CHSY1: variants seen among roughly 807,000 people sequenced by gnomAD.
CHSY1 encodes the protein N-acetylgalactosaminyl-proteoglycan 3-beta-glucuronosyltransferase 1.
CHSY1 carries 13 observed loss-of-function variants against 59.8 expected under a neutral mutation model. The ratio of observed to expected loss-of-function variants is 0.22; its 90% CI spans 0.14 to 0.35. CHSY1 has a LOEUF of 0.35. Ranked by LOEUF, CHSY1 falls within the 10% of genes least tolerant of loss-of-function variation. CHSY1 has a pLI of 1.00. For synonymous variants in CHSY1, 459 were observed against 401.2 expected (o/e 1.14, Z -1.72); for missense variants, 947 against 1,030.6 (o/e 0.92, Z 1.11).
Position 101,177,776 on chromosome 15 carries a change from G to A in CHSY1, c.2021C>T (p.Pro674Leu). 6.2e-7 allele frequency: 1 copy of A among 1,614,164 alleles called. No homozygotes were observed. The highest frequency in any genetic ancestry group is 1.1e-5 in the South Asian group (1 of 91,074). The change falls in exon 3 of 3, where the codon CCC becomes CTC. Residue 674 changes from proline to leucine, a missense_variant. Coordinates refer to ENST00000254190, the MANE Select transcript of CHSY1 (RefSeq NM_014918.5). ...DPKIVYSGKV[P>L]SDNHFAFTQK... ...AGTAAAGGCAAAATGGTTGTCACTG[G>A]GAACTTTCCCACTATAAACAATCTT...
At chr15:101,211,602 T>A (rs2038683599) in intron 2 of CHSY1, among the ~76,000 whole-genome samples, 1 of 152,046 alleles carries the variant, frequency 6.6e-6, no homozygotes, top group African/African-American at 2.4e-5. Flanking sequence ...ACCCACAGAT[T>A]TAAGAAGTTC....
chr15:101,215,488 A>T (rs1318334721), intron 2 of CHSY1, among the ~76,000 whole-genome samples: 1 of 152,202 alleles, frequency 6.6e-6, no homozygotes, highest in Non-Finnish European at 1.5e-5. Flanking sequence ...TAATCCCAGC[A>T]TCTGAGGAGG....
At chr15:101,243,444 G>A (rs1375866388) in intron 1 of CHSY1, among the ~76,000 whole-genome samples, 2 of 152,088 alleles carry the variant, frequency 1.3e-5, no homozygotes, top group African/African-American at 4.8e-5. Flanking sequence ...TGTTCTGGCC[G>A]ACCACTTTGC....
At position 101,251,238 on chromosome 15, in the gene CHSY1, G is replaced by T. The variant is rs373485537; in HGVS notation, c.219C>A (p.Pro73=). ...GDARGAQLWP[P]GSDPDGGPRD... ...GCGGGCCGCCATCTGGGTCCGAGCCGGGCGGCCAGAGCTGCGCCCCGCGCG... is the reference window on the plus strand; with the variant it reads ...GCGGGCCGCCATCTGGGTCCGAGCCTGGCGGCCAGAGCTGCGCCCCGCGCG... The change falls in exon 1 of 3, where the codon CCC becomes CCA. Residue 73 remains proline, a synonymous_variant. Transcript: ENST00000254190. 3.1e-4 allele frequency: 491 copies of T among 1,574,468 alleles called. No homozygotes were observed. Among genetic ancestry groups the T allele is most frequent in the Non-Finnish European group, 4.1e-4 (477 of 1,165,402 alleles).
chr15:101,250,247 C>T (rs985130694), intron 1 of CHSY1, among the ~76,000 whole-genome samples: 48 of 152,214 alleles, frequency 3.2e-4, no homozygotes, highest in African/African-American at 1.1e-3. Flanking sequence ...TTTATCCATA[C>T]AGTAAGTGTC....
In CHSY1 at chr15:101,177,933, T is replaced by C. The variant is rs2038215212; in HGVS notation, c.1864A>G (p.Asn622Asp). The part of the protein sequence containing the change: ...LALEVGSSQF[N>D]NESLLFFCDV... ...CAGAAGAAGAGCAAAGATTCATTGT[T>C]AAACTGGGAGGATCCTACTTCCAGG... The change falls in exon 3 of 3, where the codon AAC (asparagine) becomes GAC (aspartate). Residue 622 changes from asparagine (N) to aspartate (D), a missense_variant. Asn to Asp is a conservative substitution (Grantham distance 23). Transcript: ENST00000254190. The C allele has an allele frequency of 1.2e-6, 2 of 1,614,186 alleles. No homozygotes were observed. Among genetic ancestry groups the C allele is most frequent in the Non-Finnish European group, 1.7e-6 (2 of 1,180,028 alleles).
intron 2 of CHSY1, among the ~76,000 whole-genome samples, chr15:101,216,219 T>A (rs1476030037): frequency 6.6e-6 from 1 of 152,124 alleles, no homozygotes; most frequent in Non-Finnish European, 1.5e-5. Flanking sequence ...ATTAGAATGG[T>A]TAAAATCCAA....
intron 2 of CHSY1, among the ~76,000 whole-genome samples, chr15:101,187,084 A>G (rs1260885014): frequency 6.6e-6 from 1 of 152,240 alleles, no homozygotes; most frequent in Non-Finnish European, 1.5e-5. Flanking sequence ...CTATCCTGTG[A>G]AACTTAATCT....
rs1198937053 is a variant in CHSY1 at position 101,251,469 on chromosome 15, C to G, written c.-13G>C. ...CGCGCGCGGCCATGCCCGCGCCGCT[C>G]CGCCCGCCGGGCCGCCGCCGCAGGC... On this transcript the variant is annotated 5_prime_UTR_variant, in exon 1 of 3. Coordinates refer to ENST00000254190, the MANE Select transcript of CHSY1 (RefSeq NM_014918.5). 1 of 969,102 alleles carries G rather than the reference C, an allele frequency of 1.0e-6. No individual in the cohort carries two copies. The highest frequency in any genetic ancestry group is 1.2e-6 in the Non-Finnish European group (1 of 820,622). 60.0% of individuals were successfully genotyped at this position (969,102 alleles called of 1,614,324 possible). A position where few individuals can be genotyped will look rare whatever the true frequency, so the allele number is the denominator to read the frequency against.
intron 2 of CHSY1, among the ~76,000 whole-genome samples, chr15:101,213,132 A>T (rs1274005652): frequency 6.6e-6 from 1 of 152,180 alleles, no homozygotes; most frequent in Non-Finnish European, 1.5e-5. Flanking sequence ...AGGTGTAGTA[A>T]GGAAAACAGA....
chr15:101,202,897 T>C (rs191160285), intron 2 of CHSY1, among the ~76,000 whole-genome samples: 1 of 152,174 alleles, frequency 6.6e-6, no homozygotes, highest in East Asian at 1.9e-4. Context: ...ATTTGGGGAG[T>C]ATAACATGGT....
intron 2 of CHSY1, among the ~76,000 whole-genome samples, chr15:101,221,598 A>T (rs2038789885): frequency 6.6e-6 from 1 of 152,246 alleles, no homozygotes; most frequent in African/African-American, 2.4e-5. Context: ...AAATTATTAC[A>T]GAATCAATAT....
intron 2 of CHSY1, among the ~76,000 whole-genome samples, chr15:101,232,629 T>C (rs2038902650): frequency 1.3e-5 from 2 of 152,212 alleles, no homozygotes; most frequent in African/African-American, 2.4e-5. Flanking sequence ...GAATGATGCA[T>C]TAGATTGCAC....
At chr15:101,197,979 G>C (rs2038526133) in intron 2 of CHSY1, among the ~76,000 whole-genome samples, 1 of 152,152 alleles carries the variant, frequency 6.6e-6, no homozygotes, top group Non-Finnish European at 1.5e-5. Flanking sequence ...GGGATGTAAG[G>C]ATTTGTTTCC....
intron 2 of CHSY1, among the ~76,000 whole-genome samples, chr15:101,180,528 C>T (rs1326592638): frequency 1.3e-5 from 2 of 152,082 alleles, no homozygotes; most frequent in East Asian, 3.9e-4. Context: ...GAAACTCCGA[C>T]TCTGACCCCC....
chr15:101,185,181 G>A (rs933717559), intron 2 of CHSY1, among the ~76,000 whole-genome samples: 1 of 152,242 alleles, frequency 6.6e-6, no homozygotes, highest in African/African-American at 2.4e-5. Flanking sequence ...GGGAGATGGA[G>A]AGGCAGAAAT....
At chr15:101,233,760 T>G (rs1187180871) in intron 2 of CHSY1, among the ~76,000 whole-genome samples, 1 of 152,194 alleles carries the variant, frequency 6.6e-6, no homozygotes, top group Non-Finnish European at 1.5e-5. Context: ...CCTGTATGCT[T>G]GAAAATGTCC....
intron 2 of CHSY1, among the ~76,000 whole-genome samples, chr15:101,218,496 C>A (rs2038757355): frequency 6.6e-6 from 1 of 152,162 alleles, no homozygotes; most frequent in African/African-American, 2.4e-5. Flanking sequence ...ACTAGGGAGG[C>A]TGAGGTGGGG....
At chr15:101,187,414 G>A (rs535839381) in intron 2 of CHSY1, 2 of 152,356 alleles carry the variant, frequency 1.3e-5, no homozygotes, top group South Asian at 4.1e-4. Context: ...GGGAAGCGGA[G>A]GGTGCAGTGA....
Sources: allele counts gnomAD v4.1 joint callset (sites outside exome capture counted in the v4.1 genomes callset), GRCh38; gene constraint gnomAD v4.1.1; transcripts MANE v1.5; gene names NCBI Gene and HGNC (gene_info 2026-07-23, HGNC 2026-07-21).